Variants in FRAS1 observed in about 807,000 individuals in gnomAD.
FRAS1 encodes the protein Fraser extracellular matrix complex subunit 1.
In FRAS1, 290 loss-of-function variants were observed where a neutral mutation model predicts 435.2. The observed-to-expected ratio is 0.67, with a 90% CI of 0.61 to 0.73. The LOEUF (loss-of-function observed/expected upper bound fraction) is 0.73, where lower values mean the gene tolerates loss of function less well. FRAS1 is among the 30% of genes least tolerant of loss of function. FRAS1 has a pLI of 0.00. For synonymous variants in FRAS1, 1,800 were observed against 1,851.0 expected (o/e 0.97, Z 0.71); for missense variants, 4,860 against 5,001.5 (o/e 0.97, Z 0.85).
intron 59 of FRAS1, among the ~76,000 whole-genome samples, chr4:78,492,494 A>G (rs1425710232): frequency 6.6e-6 from 1 of 152,206 alleles, no homozygotes; most frequent in Non-Finnish European, 1.5e-5. Flanking sequence ...AATGTCACAC[A>G]TCTACAACCA....
chr4:78,479,601 G>C lies in FRAS1; in HGVS notation c.8326G>C (p.Ala2776Pro). ...AGAGTTTGAGATTGCCTTGGCAGAT[G>C]CCTCTGACAATGCCCGCATTGGAAG... ...EEEFEIALADASDNARIGRVA... is the reference protein window; with the variant it reads ...EEEFEIALADPSDNARIGRVA... The change falls in exon 56 of 74, where the codon GCC becomes CCC. Residue 2776 changes from alanine to proline, a missense_variant. Coordinates refer to ENST00000512123, the MANE Select transcript of FRAS1 (RefSeq NM_025074.7). The C allele has an allele frequency of 6.2e-7, 1 of 1,613,956 alleles. No individual in the cohort carries two copies. Among genetic ancestry groups the C allele is most frequent in the Non-Finnish European group, 8.5e-7 (1 of 1,179,836 alleles).
At chr4:78,123,368 C>T (rs868580242) in intron 2 of FRAS1, among the ~76,000 whole-genome samples, 2 of 151,982 alleles carry the variant, frequency 1.3e-5, no homozygotes, top group Non-Finnish European at 2.9e-5. Context: ...CGTGCTGTTT[C>T]GGTTACTGTA....
chr4:78,216,956 G>T (rs1255294564), intron 2 of FRAS1, among the ~76,000 whole-genome samples: 3 of 152,142 alleles, frequency 2.0e-5, no homozygotes, highest in Non-Finnish European at 2.9e-5. Flanking sequence ...AAAGTCAGGG[G>T]CCTGGCAGAC....
Position 78,438,890 on chromosome 4 carries a change from GT to G in FRAS1, c.5367-5del. Reference sequence around the variant, plus strand: ...GTGGCTTATTCATTTGATTCTTTTTGTTTTTTTATAGATACTCAGCTGTGTT... The same window carrying G: ...GTGGCTTATTCATTTGATTCTTTTTGTTTTTTATAGATACTCAGCTGTGTT... On this transcript the variant is annotated splice_polypyrimidine_tract_variant and intron_variant, in intron 39 of 73. Coordinates refer to ENST00000512123, the MANE Select transcript of FRAS1 (RefSeq NM_025074.7). 2 of 1,587,592 alleles carry G rather than the reference GT, an allele frequency of 1.3e-6. No homozygotes were observed. Among genetic ancestry groups the G allele is most frequent in the Non-Finnish European group, 1.7e-6 (2 of 1,170,946 alleles).
intron 20 of FRAS1, among the ~76,000 whole-genome samples, chr4:78,356,162 CTCTT>C (rs1459575962): frequency 5.9e-5 from 9 of 152,112 alleles, no homozygotes; most frequent in African/African-American, 2.2e-4. Flanking sequence ...GTAGTTCTGT[CTCTT>C]TATTATCTCC....
chr4:78,167,803 A>T (rs1437639737), intron 2 of FRAS1, among the ~76,000 whole-genome samples: 1 of 152,038 alleles, frequency 6.6e-6, no homozygotes, highest in Non-Finnish European at 1.5e-5. Flanking sequence ...AAGCCAGTTG[A>T]CACAGTGGGT....
At chr4:78,074,933 G>A (rs1312469898) in intron 2 of FRAS1, among the ~76,000 whole-genome samples, 1 of 152,186 alleles carries the variant, frequency 6.6e-6, no homozygotes, top group Non-Finnish European at 1.5e-5. Flanking sequence ...ATTGGGAAGA[G>A]TTAGGCATTC....
intron 58 of FRAS1, among the ~76,000 whole-genome samples, chr4:78,488,112 G>A (rs10023714): frequency 0.74 from 112,293 of 151,836 alleles, 42,855 homozygotes; most frequent in East Asian, 1. Context: ...CAGCCTGAGT[G>A]ACAGAGCGAG....
chr4:78,312,859 A>AGAGAGAGAGAGAGAGAG (rs1553943110), intron 15 of FRAS1, among the ~76,000 whole-genome samples: 5 of 121,790 alleles, frequency 4.1e-5, no homozygotes, highest in South Asian at 2.8e-4. Context: ...GAAAGAAAGA[A>AGAGAGAGAGAGAGAGAG]AGAGAGAGAG....
chr4:78,159,851 A>G (rs1721062171), intron 2 of FRAS1, among the ~76,000 whole-genome samples: 2 of 152,232 alleles, frequency 1.3e-5, no homozygotes, highest in Admixed American at 1.3e-4. Context: ...ATTGCACTCC[A>G]GCATGGGTGA....
At chr4:78,128,002 G>A (rs1410535171) in intron 2 of FRAS1, among the ~76,000 whole-genome samples, 1 of 150,396 alleles carries the variant, frequency 6.6e-6, no homozygotes, top group Non-Finnish European at 1.5e-5. Flanking sequence ...AACATGAGGT[G>A]TTTGGTTTTT....
chr4:78,279,895 G>T (rs1727247503), intron 10 of FRAS1, among the ~76,000 whole-genome samples: 1 of 152,120 alleles, frequency 6.6e-6, no homozygotes, highest in East Asian at 1.9e-4. Flanking sequence ...ACTGTGAATA[G>T]TACTGATCCT....
chr4:78,102,022 G>A (rs9307338), intron 2 of FRAS1, among the ~76,000 whole-genome samples: 33,051 of 152,110 alleles, frequency 0.22, 3,957 homozygotes, highest in Admixed American at 0.29. Flanking sequence ...CTACCAAGAT[G>A]TACAATTACA....
At chr4:78,452,021 C>A (rs189698073) in intron 46 of FRAS1, 130 bp downstream of exon 46, 4 of 1,241,964 alleles carry the variant, frequency 3.2e-6, no homozygotes, top group South Asian at 1.5e-5. Flanking sequence ...GAAAATCATA[C>A]CCCCTTTATT....
intron 60 of FRAS1, among the ~76,000 whole-genome samples, chr4:78,498,966 A>G (rs1241632302): frequency 6.6e-6 from 1 of 150,832 alleles, no homozygotes; most frequent in Non-Finnish European, 1.5e-5. Context: ...TCCCACCTCA[A>G]CCTCCTGAGT....
chr4:78,163,103 T>C (rs1721205960), intron 2 of FRAS1, among the ~76,000 whole-genome samples: 1 of 152,176 alleles, frequency 6.6e-6, no homozygotes, highest in Non-Finnish European at 1.5e-5. Flanking sequence ...ATTGCTGTTC[T>C]CTAGAAAAAT....
At chr4:78,224,555 C>CA (rs911054570) in intron 2 of FRAS1, among the ~76,000 whole-genome samples, 1 of 152,062 alleles carries the variant, frequency 6.6e-6, no homozygotes, top group African/African-American at 2.4e-5. Context: ...TTTTTTGAGG[C>CA]AGAGTCCCAC....
chr4:78,079,549 G>A (rs975543391), intron 2 of FRAS1, among the ~76,000 whole-genome samples: 2 of 152,114 alleles, frequency 1.3e-5, no homozygotes, highest in Non-Finnish European at 2.9e-5. Flanking sequence ...AAAGTCCAAG[G>A]GGATAAAATT....
At chr4:78,168,415 C>A (rs913876559) in intron 2 of FRAS1, among the ~76,000 whole-genome samples, 1 of 151,282 alleles carries the variant, frequency 6.6e-6, no homozygotes, top group African/African-American at 2.4e-5. Flanking sequence ...TTTTTTTTAG[C>A]GTAGCATTTT....
Sources: gnomAD v4.1 joint callset for allele counts (sites outside exome capture counted in the v4.1 genomes callset) on GRCh38, gnomAD v4.1.1 for gene constraint, MANE v1.5 for transcripts, NCBI Gene and HGNC (gene_info 2026-07-23, HGNC 2026-07-21) for gene names.